EPB41L5: variants seen among roughly 807,000 people sequenced by gnomAD.
The protein encoded by EPB41L5 is erythrocyte membrane protein band 4.1 like 5, also known as band 4.1-like protein 5.
EPB41L5 carries 55 observed loss-of-function variants against 106.6 expected under a neutral mutation model. The observed-to-expected ratio is 0.52, with a 90% confidence interval of 0.42 to 0.65. The LOEUF (loss-of-function observed/expected upper bound fraction) is 0.65, where lower values mean the gene tolerates loss of function less well. EPB41L5 is among the 30% of genes least tolerant of loss of function. EPB41L5 has a pLI of 0.00. For synonymous variants in EPB41L5, 297 were observed against 306.7 expected (o/e 0.97, Z 0.33); for missense variants, 871 against 882.1 (o/e 0.99, Z 0.16).
At chr2:120,160,681 T>C (rs2105536392) in intron 20 of EPB41L5, 200 bp from the exon 21 acceptor site, 1 of 539,036 alleles carries the variant, frequency 1.9e-6, no homozygotes, top group South Asian at 2.4e-5. Context: ...CTATCTTTTT[T>C]ATTAAAAAAC....
At chr2:120,054,115 G>T (rs1163338491) in intron 3 of EPB41L5, among the ~76,000 whole-genome samples, 2 of 152,110 alleles carry the variant, frequency 1.3e-5, no homozygotes, top group African/African-American at 4.8e-5. Context: ...GTATGAAATG[G>T]TGTCTCATTG....
At chr2:120,130,865 CT>C (rs1450554312) in intron 17 of EPB41L5, among the ~76,000 whole-genome samples, 1 of 152,200 alleles carries the variant, frequency 6.6e-6, no homozygotes, top group Non-Finnish European at 1.5e-5. Flanking sequence ...GTTTCCCCCT[CT>C]TTTCTTCTTT....
chr2:120,018,846 A>G (rs779410299), intron 1 of EPB41L5, among the ~76,000 whole-genome samples: 3 of 151,994 alleles, frequency 2.0e-5, no homozygotes, highest in South Asian at 2.1e-4. Context: ...AGTTCTCACT[A>G]TGTTGCCCAG....
intron 18 of EPB41L5, among the ~76,000 whole-genome samples, chr2:120,134,226 A>G (rs1291502851): frequency 6.6e-6 from 1 of 151,930 alleles, no homozygotes. Flanking sequence ...AGGGAAGAAT[A>G]AAAAGAACTT....
intron 10 of EPB41L5, among the ~76,000 whole-genome samples, chr2:120,084,218 A>G (rs1004922777): frequency 1.3e-5 from 2 of 152,160 alleles, no homozygotes; most frequent in Non-Finnish European, 2.9e-5. Context: ...TCTTCCTAGC[A>G]TCGATGGTCT....
chr2:120,127,987 T>G (rs1685533300), intron 17 of EPB41L5, 136 bp downstream of exon 17: 1 of 699,564 alleles, frequency 1.4e-6, no homozygotes, highest in South Asian at 3.6e-5. Flanking sequence ...TTATGCCCTC[T>G]TGCCTTTTTG....
At chr2:120,014,270 T>TA (rs1201836772) in intron 1 of EPB41L5, among the ~76,000 whole-genome samples, 2 of 152,240 alleles carry the variant, frequency 1.3e-5, no homozygotes, top group African/African-American at 4.8e-5. Flanking sequence ...TAGGATTGCT[T>TA]AAATTTGCAT....
chr2:120,061,026 G>A (rs1443622200), intron 3 of EPB41L5, among the ~76,000 whole-genome samples: 1 of 121,674 alleles, frequency 8.2e-6, no homozygotes, highest in African/African-American at 2.9e-5. Flanking sequence ...AACTGGTTCA[G>A]GGAAGTTTTT....
chr2:120,133,405 G>A (rs368428867), intron 18 of EPB41L5, among the ~76,000 whole-genome samples: 17 of 152,180 alleles, frequency 1.1e-4, no homozygotes, highest in African/African-American at 3.9e-4. Flanking sequence ...CTCCCCTATG[G>A]AGGAGTGTGG....
intron 5 of EPB41L5, among the ~76,000 whole-genome samples, chr2:120,075,089 A>G (rs1682138888): frequency 6.6e-6 from 1 of 152,098 alleles, no homozygotes; most frequent in Admixed American, 6.6e-5. Flanking sequence ...CGCCCTCCCA[A>G]AGTGCTAGGA....
chr2:120,146,316 A>G lies in EPB41L5; in HGVS notation c.1793+27A>G, dbSNP rs370822524. ...TACAGTTCTGGGTAGACTGAATTAAATTGATGTTCTTATCTATCTTTGTCT... is the reference window on the plus strand; with the variant it reads ...TACAGTTCTGGGTAGACTGAATTAAGTTGATGTTCTTATCTATCTTTGTCT... On this transcript the variant is annotated intron_variant, in intron 20 of 24. Transcript: ENST00000263713. 14 of 1,529,414 alleles carry G rather than the reference A, an allele frequency of 9.2e-6. No individual in the cohort carries two copies. The African/African-American group carries it at 1.4e-4, about 15-fold the overall frequency. The allele number at this position is 1,529,414 out of a possible 1,614,324, so 94.7% of individuals were successfully genotyped here. A position where few individuals can be genotyped will look rare whatever the true frequency, so the allele number is the denominator to read the frequency against.
intron 21 of EPB41L5, among the ~76,000 whole-genome samples, 167 bp from the exon 22 acceptor site, chr2:120,164,669 C>T (rs988963244): frequency 1.3e-4 from 20 of 152,242 alleles, no homozygotes; most frequent in African/African-American, 4.6e-4. Flanking sequence ...TCCCTCCATG[C>T]AGAAGTGGAA....
intron 16 of EPB41L5, among the ~76,000 whole-genome samples, chr2:120,122,054 CT>C (rs1409498428): frequency 6.6e-6 from 1 of 152,056 alleles, no homozygotes; most frequent in South Asian, 2.1e-4. Flanking sequence ...TGTTTAAGTT[CT>C]TTGTAGATTC....
At chr2:120,161,801 C>T (rs1361958410) in intron 21 of EPB41L5, among the ~76,000 whole-genome samples, 1 of 152,074 alleles carries the variant, frequency 6.6e-6, no homozygotes, top group Non-Finnish European at 1.5e-5. Context: ...GAGTGCAAAC[C>T]CTACTGTGAA....
chr2:120,045,822 C>A (rs185051748), intron 3 of EPB41L5, among the ~76,000 whole-genome samples: 138 of 151,744 alleles, frequency 9.1e-4, no homozygotes, highest in Non-Finnish European at 1.6e-3. Context: ...CCCGTCCCCC[C>A]CTCAATGACA....
intron 2 of EPB41L5, among the ~76,000 whole-genome samples, chr2:120,027,848 T>A (rs1345573545): frequency 6.6e-6 from 1 of 152,164 alleles, no homozygotes; most frequent in Non-Finnish European, 1.5e-5. Flanking sequence ...AGTGAAGCTA[T>A]TTTTTTAAAT....
At chr2:120,172,002 G>T (rs1408172880) in intron 24 of EPB41L5, among the ~76,000 whole-genome samples, 8 of 133,682 alleles carry the variant, frequency 6.0e-5, no homozygotes, top group Non-Finnish European at 8.0e-5. Flanking sequence ...AACAATAACA[G>T]GAAACTTAAA....
intron 16 of EPB41L5, among the ~76,000 whole-genome samples, chr2:120,119,621 C>A (rs1685116636): frequency 6.9e-6 from 1 of 144,974 alleles, no homozygotes; most frequent in African/African-American, 2.6e-5. Flanking sequence ...AGTCCTTTCT[C>A]CATTTCTTTC....
chr2:120,018,671 G>A (rs1195016758), intron 1 of EPB41L5, among the ~76,000 whole-genome samples: 1 of 151,388 alleles, frequency 6.6e-6, no homozygotes, highest in East Asian at 1.9e-4. Context: ...TTTTGAGACA[G>A]GGTCTTGCTC....
Sources: allele counts gnomAD v4.1 joint callset (sites outside exome capture counted in the v4.1 genomes callset), GRCh38; gene constraint gnomAD v4.1.1; transcripts MANE v1.5; gene names NCBI Gene and HGNC (gene_info 2026-07-23, HGNC 2026-07-21).